The following PPFIA1 variants were observed in gnomAD, a reference collection of about 807,000 sequenced individuals.
PPFIA1 encodes the protein PPFI scaffold protein A1, also known as liprin-alpha-1.
PPFIA1 carries 25 observed loss-of-function variants against 149.9 expected under a neutral mutation model. The ratio of observed to expected loss-of-function variants is 0.17; its 90% CI spans 0.12 to 0.23. The LOEUF (loss-of-function observed/expected upper bound fraction) is 0.23. Among genes scored for constraint, PPFIA1 ranks in the 10% least tolerant of loss-of-function variants. The pLI is 1.00. For synonymous variants in PPFIA1, 549 were observed against 552.8 expected (o/e 0.99, Z 0.10); for missense variants, 1,362 against 1,506.5 (o/e 0.90, Z 1.59).
At chr11:70,295,717 C>T (rs1258194322) in intron 2 of PPFIA1, among the ~76,000 whole-genome samples, 9 of 144,226 alleles carry the variant, frequency 6.2e-5, no homozygotes, top group South Asian at 2.3e-4. Flanking sequence ...CCGGACGGGG[C>T]GGCTGGCCGG....
intron 1 of PPFIA1, chr11:70,271,904 C>G: frequency 3.1e-6 from 1 of 324,826 alleles, no homozygotes. Flanking sequence ...CAGACTACCC[C>G]AGGGCTTGCC....
At position 70,326,706 on chromosome 11, in the gene PPFIA1, T is replaced by C; in HGVS notation, c.818T>C (p.Leu273Pro). 2 of 1,614,144 alleles carry C rather than the reference T, an allele frequency of 1.2e-6. No individual in the cohort carries two copies. Among genetic ancestry groups the C allele is most frequent in the South Asian group, 2.2e-5 (2 of 91,076 alleles). Reference protein sequence around the residue: ...SREQSQMKERLASLSSHVTEL... With the variant: ...SREQSQMKERPASLSSHVTEL... Reference sequence around the variant, plus strand: ...GAACAGAGCCAAATGAAAGAACGCCTGGCTTCCCTTTCCAGTCATGTGACA... The same window carrying C: ...GAACAGAGCCAAATGAAAGAACGCCCGGCTTCCCTTTCCAGTCATGTGACA... The change falls in exon 7 of 28, where the codon CTG becomes CCG. Residue 273 changes from leucine (L) to proline (P), a missense_variant. Physicochemically the swap from Leu to Pro is moderately conservative, Grantham distance 98. This residue lies in a region of PPFIA1 where 733 missense variants were observed against 744.1 expected (regional missense o/e 0.99). Coordinates refer to ENST00000253925, the MANE Select transcript of PPFIA1 (RefSeq NM_003626.5).
intron 2 of PPFIA1, among the ~76,000 whole-genome samples, chr11:70,310,091 G>C (rs2053157800): frequency 6.6e-6 from 1 of 152,140 alleles, no homozygotes; most frequent in African/African-American, 2.4e-5. Context: ...CAGTATTTCA[G>C]TTACTATGAA....
At chr11:70,371,807 A>G (rs1474037954) in intron 21 of PPFIA1, 2 of 153,184 alleles carry the variant, frequency 1.3e-5, no homozygotes, top group African/African-American at 4.8e-5. Context: ...TTTCTTTAGG[A>G]AAACAAAGTG....
intron 7 of PPFIA1, among the ~76,000 whole-genome samples, chr11:70,328,820 T>A (rs2136897217): frequency 6.6e-6 from 1 of 152,356 alleles, no homozygotes; most frequent in South Asian, 2.1e-4. Flanking sequence ...ATTTGTCTAA[T>A]CGGTGATGTT....
chr11:70,381,586 TG>T (rs1241263964), intron 26 of PPFIA1, among the ~76,000 whole-genome samples: 1 of 152,164 alleles, frequency 6.6e-6, no homozygotes, highest in Non-Finnish European at 1.5e-5. Flanking sequence ...CAGCTAGTGC[TG>T]GGTAGCAAGG....
chr11:70,281,432 T>A (rs776211164), intron 2 of PPFIA1, among the ~76,000 whole-genome samples: 3 of 152,138 alleles, frequency 2.0e-5, no homozygotes, highest in Non-Finnish European at 4.4e-5. Context: ...CCAGGGCCCC[T>A]CTTTCTTGGC....
At chr11:70,277,017 C>A (rs1245435955) in intron 2 of PPFIA1, among the ~76,000 whole-genome samples, 1 of 61,344 alleles carries the variant, frequency 1.6e-5, no homozygotes, top group East Asian at 3.7e-4. Flanking sequence ...TTTTTTTTTG[C>A]TTTTTTTTTG....
chr11:70,350,160 G>A (rs896935887), intron 16 of PPFIA1: 1 of 323,536 alleles, frequency 3.1e-6, no homozygotes, highest in Non-Finnish European at 6.0e-6. Flanking sequence ...TTAAATTAGT[G>A]TATTACTATA....
intron 2 of PPFIA1, among the ~76,000 whole-genome samples, chr11:70,274,727 T>C (rs907030001): frequency 2.0e-5 from 3 of 152,050 alleles, no homozygotes; most frequent in Non-Finnish European, 2.9e-5. Flanking sequence ...CTATAAACTT[T>C]TTTTTTTTTG....
At chr11:70,295,461 AGAGGCGCCCCTCACCTCCTGGACGGG>A (rs1454548234) in intron 2 of PPFIA1, among the ~76,000 whole-genome samples, 10 of 134,814 alleles carry the variant, frequency 7.4e-5, no homozygotes, top group Non-Finnish European at 1.6e-4. Context: ...GCAGCCGGGC[AGAGGCGCCCCTCACCTCCTGGACGGG>A]GCGGCTGGCC....
intron 8 of PPFIA1, among the ~76,000 whole-genome samples, chr11:70,331,234 CAAA>C (rs59451597): frequency 2.7e-5 from 3 of 109,500 alleles, no homozygotes; most frequent in African/African-American, 6.6e-5. Context: ...GACTCCGTCT[CAAA>C]AAAAAAAAAA....
chr11:70,321,414 CTA>C (rs1408554075), intron 2 of PPFIA1: 16 of 152,318 alleles, frequency 1.1e-4, no homozygotes, highest in African/African-American at 3.8e-4. Flanking sequence ...CCCAATTCCT[CTA>C]TGCTCAAAGA....
chr11:70,293,328 A>G (rs915454922), intron 2 of PPFIA1, among the ~76,000 whole-genome samples: 8 of 152,148 alleles, frequency 5.3e-5, no homozygotes, highest in Admixed American at 2.0e-4. Context: ...TAAGTGTGCT[A>G]TATGTTGGCT....
chr11:70,309,857 G>T (rs2053141700), intron 2 of PPFIA1, among the ~76,000 whole-genome samples: 1 of 152,108 alleles, frequency 6.6e-6, no homozygotes, highest in Non-Finnish European at 1.5e-5. Flanking sequence ...GGGAGGGAGG[G>T]TCGGTGGTGA....
Position 70,286,519 on chromosome 11 carries a change from G to C in PPFIA1, c.264+14083G>C, listed in dbSNP as rs563212143. Among the ~76,000 whole-genome samples the C allele has an allele frequency of 8.5e-5, 13 of 152,222 alleles. No individual in the cohort carries two copies. The East Asian group carries it at 2.5e-3, about 29-fold the overall frequency. On this transcript the variant is annotated intron_variant, in intron 2 of 27. Coordinates refer to ENST00000253925, the MANE Select transcript of PPFIA1 (RefSeq NM_003626.5). Reference sequence around the variant, plus strand: ...GCCCTTCTTGGCCTCCCAAAGTGCTGGGATTACAGGCGTGAGCCACTGCTC... The same window carrying C: ...GCCCTTCTTGGCCTCCCAAAGTGCTCGGATTACAGGCGTGAGCCACTGCTC...
chr11:70,354,490 G>T (rs1190273061), intron 17 of PPFIA1, 38 bp downstream of exon 17: 2 of 1,550,536 alleles, frequency 1.3e-6, no homozygotes, highest in Non-Finnish European at 1.7e-6. Context: ...GAGCGCACCT[G>T]TCTTTTCGTT....
At position 70,348,293 on chromosome 11, in the gene PPFIA1, G is replaced by GCTCCAT. The variant is rs1317502668; in HGVS notation, c.2037_2042dup (p.Ser680_Ile681dup). On this transcript the variant is annotated inframe_insertion, in exon 16 of 28. Transcript: ENST00000253925. ...AATCTTGGTCGTTTTAGATCAATGA[G>GCTCCAT]CTCCATTCCCCCCTACCCTGCTTCC... 6.2e-7 allele frequency: 1 copy of GCTCCAT among 1,614,198 alleles called. No individual in the cohort carries two copies. The highest frequency in any genetic ancestry group is 1.1e-5 in the South Asian group (1 of 91,088).
chr11:70,288,775 G>A (rs1398940382), intron 2 of PPFIA1, among the ~76,000 whole-genome samples: 1 of 152,088 alleles, frequency 6.6e-6, no homozygotes, highest in Non-Finnish European at 1.5e-5. Context: ...TTTTTGCCAA[G>A]ACCCCATTAG....
Sources: gnomAD v4.1 joint callset for allele counts (sites outside exome capture counted in the v4.1 genomes callset) on GRCh38, gnomAD v4.1.1 for gene constraint, gnomAD v4.1.1 regional missense constraint, MANE v1.5 for transcripts, NCBI Gene and HGNC (gene_info 2026-07-23, HGNC 2026-07-21) for gene names.